Variants in ZFP30 observed in about 807,000 individuals in gnomAD.
ZFP30 encodes the protein zinc finger protein 30 homolog.
Under a neutral mutation model 12.3 loss-of-function variants are expected in ZFP30, and 16 were observed. The observed-to-expected ratio is 1.30, with a 90% confidence interval of 0.88 to 1.98. The LOEUF (loss-of-function observed/expected upper bound fraction) is 1.98. Among genes scored for constraint, ZFP30 ranks in the 30% most tolerant of loss-of-function variants. ZFP30 has a pLI of 0.00. For missense variants in ZFP30, 560 were observed against 611.2 expected (o/e 0.92, Z 0.88); for synonymous variants, 172 against 201.0 (o/e 0.86, Z 1.22).
At chr19:37,647,250 T>G (rs1010663712) in intron 3 of ZFP30, among the ~76,000 whole-genome samples, 1 of 152,222 alleles carries the variant, frequency 6.6e-6, no homozygotes, top group African/African-American at 2.4e-5. Context: ...ATTTGGTCAA[T>G]GCACACATGG....
chr19:37,644,127 C>T (rs1000010153), intron 4 of ZFP30, among the ~76,000 whole-genome samples: 11 of 152,220 alleles, frequency 7.2e-5, no homozygotes, highest in East Asian at 3.9e-4. Flanking sequence ...CATTAAAGAC[C>T]GGTAATAACA....
intron 3 of ZFP30, among the ~76,000 whole-genome samples, chr19:37,645,916 A>T (rs73035151): frequency 2.9e-3 from 444 of 152,280 alleles, no homozygotes; most frequent in Non-Finnish European, 5.2e-3. Flanking sequence ...TTCTTTATTT[A>T]ATATTTACAG....
intron 2 of ZFP30, among the ~76,000 whole-genome samples, chr19:37,652,352 A>C (rs935479335): frequency 1.3e-5 from 2 of 152,126 alleles, no homozygotes; most frequent in Admixed American, 1.3e-4. Flanking sequence ...GGATTGTCTG[A>C]GGTCAGGAGT....
chr19:37,647,496 C>T (rs906477070), intron 3 of ZFP30, among the ~76,000 whole-genome samples: 1 of 152,168 alleles, frequency 6.6e-6, no homozygotes, highest in Non-Finnish European at 1.5e-5. Context: ...TAAGACATGC[C>T]TTTCACCTTC....
At position 37,652,409 on chromosome 19, in the gene ZFP30, A is replaced by G. The variant is rs533708549; in HGVS notation, c.-78+2303T>C. Among the ~76,000 whole-genome samples the G allele has an allele frequency of 1.4e-4, 21 of 152,130 alleles. 1 individual carries two copies. In the South Asian group the frequency reaches 4.4e-3, roughly 32 times the overall value. On this transcript the variant is annotated intron_variant, in intron 2 of 5. Coordinates refer to ENST00000684514, the MANE Select transcript of ZFP30 (RefSeq NM_001320669.3). ...TAGTGAAACCCTGTCCCTACTAAAAATACAAAAAATTAGCTGGGCGTGATG... is the reference window on the plus strand; with the variant it reads ...TAGTGAAACCCTGTCCCTACTAAAAGTACAAAAAATTAGCTGGGCGTGATG...
chr19:37,632,295 AATAT>A lies in ZFP30; in HGVS notation c.*2682_*2685del, dbSNP rs781076151. 12 of 152,074 alleles carry A rather than the reference AATAT, an allele frequency of 7.9e-5. No individual in the cohort carries two copies. In the East Asian group the frequency reaches 2.3e-3, roughly 29 times the overall value. The allele number at this position is 152,074 out of a possible 1,614,324, so 9.4% of individuals were successfully genotyped here. A position where few individuals can be genotyped will look rare whatever the true frequency, so the allele number is the denominator to read the frequency against. On this transcript the variant is annotated 3_prime_UTR_variant, in exon 6 of 6. Coordinates refer to ENST00000684514, the MANE Select transcript of ZFP30 (RefSeq NM_001320669.3). The stretch of plus-strand genomic sequence containing the variant: ...CATGTATAGTGTGTGTATAAATATA[AATAT>A]ATATACCTACACACTATACACACAC...
chr19:37,633,767 A>C lies in ZFP30; in HGVS notation c.*1214T>G, dbSNP rs1242469438. On this transcript the variant is annotated 3_prime_UTR_variant, in exon 6 of 6. Transcript: ENST00000684514. The stretch of plus-strand genomic sequence containing the variant: ...ACAAAAGTAGAATAGCAAAAACAAA[A>C]CAAATAAAAACCATGTATCCAAGAC... 3 of 152,100 alleles carry C rather than the reference A, an allele frequency of 2.0e-5. No homozygotes were observed. The highest frequency in any genetic ancestry group is 2.9e-5 in the Non-Finnish European group (2 of 68,036). 9.4% of individuals were successfully genotyped at this position (152,100 alleles called of 1,614,324 possible).
At chr19:37,644,502 T>C (rs2972458) in intron 4 of ZFP30, 108 bp downstream of exon 4, 1,026,717 of 1,301,358 alleles carry the variant, frequency 0.79, 410,989 homozygotes, top group Non-Finnish European at 0.82. Context: ...CCACTGCACT[T>C]CAGCCTGGTG....
In ZFP30 at chr19:37,647,856, T is replaced by C. The variant is rs372470695; in HGVS notation, c.-34A>G. On this transcript the variant is annotated 5_prime_UTR_variant, in exon 3 of 6. Transcript: ENST00000684514. ...AACTGCTAGAACTGGTCAATTTTCC[T>C]CAAGGTTCATGTACTTCAGAAGCAG... 13 of 1,613,940 alleles carry C rather than the reference T, an allele frequency of 8.1e-6. No individual in the cohort carries two copies. Among genetic ancestry groups the C allele is most frequent in the Non-Finnish European group, 9.3e-6 (11 of 1,179,852 alleles).
chr19:37,649,242 C>G (rs1164929702), intron 2 of ZFP30, among the ~76,000 whole-genome samples: 1 of 73,228 alleles, frequency 1.4e-5, no homozygotes, highest in Admixed American at 1.6e-4. Context: ...AAGACCCTGT[C>G]TCTTAAAAAA....
intron 5 of ZFP30, 69 bp downstream of exon 5, chr19:37,643,194 GGT>G: frequency 8.4e-7 from 1 of 1,184,834 alleles, no homozygotes; most frequent in Non-Finnish European, 1.2e-6. Flanking sequence ...ACATCTAAGG[GGT>G]GTGTCTCCTC....
At chr19:37,647,376 T>C (rs2044563724) in intron 3 of ZFP30, among the ~76,000 whole-genome samples, 1 of 152,192 alleles carries the variant, frequency 6.6e-6, no homozygotes, top group Non-Finnish European at 1.5e-5. Flanking sequence ...ATGGGGGCAG[T>C]TGCCCCTATA....
rs751316076 is a variant in ZFP30, at chr19:37,636,215, A to G, written c.326T>C (p.Ile109Thr). 3 of 1,614,094 alleles carry G rather than the reference A, an allele frequency of 1.9e-6. No individual in the cohort carries two copies. The highest frequency in any genetic ancestry group is 2.5e-6 in the Non-Finnish European group (3 of 1,180,024). Residue 109 changes from isoleucine (I) to threonine (T), a missense_variant, in exon 6 of 6, where the codon ATT becomes ACT. Transcript: ENST00000684514. ...TTGTTCTTCAAGTCCACAGCTTTTA[A>G]TTCTTTCCATTACCTTCCACTGAGA... ...NLSQWKVMER[I>T]KSCGLEEQES...
intron 2 of ZFP30, among the ~76,000 whole-genome samples, chr19:37,652,896 T>C (rs574240459): frequency 1.8e-4 from 28 of 152,054 alleles, no homozygotes; most frequent in African/African-American, 6.5e-4. Flanking sequence ...GGCAGGTGGA[T>C]CACTTGAGGT....
At chr19:37,643,719 G>A (rs748778850) in intron 4 of ZFP30, among the ~76,000 whole-genome samples, 1 of 152,168 alleles carries the variant, frequency 6.6e-6, no homozygotes, top group Non-Finnish European at 1.5e-5. Flanking sequence ...GTGTTTAGAT[G>A]AGTACCTGGT....
At chr19:37,653,272 G>A (rs1255668829) in intron 2 of ZFP30, among the ~76,000 whole-genome samples, 1 of 152,102 alleles carries the variant, frequency 6.6e-6, no homozygotes, top group African/African-American at 2.4e-5. Context: ...GTTCTGTGAA[G>A]GATTACAATC....
chr19:37,641,969 C>T lies in ZFP30; in HGVS notation c.235+1296G>A, dbSNP rs1020542346. On this transcript the variant is annotated intron_variant, in intron 5 of 5. Transcript: ENST00000684514. ...CCTCTGTCTTCTTCCCGTAAGTTGGCAATTGGCTTTAGATGCTTGATAAGA... is the reference window on the plus strand; with the variant it reads ...CCTCTGTCTTCTTCCCGTAAGTTGGTAATTGGCTTTAGATGCTTGATAAGA... Among the ~76,000 whole-genome samples the T allele has an allele frequency of 2.0e-5, 3 of 152,310 alleles. No homozygotes were observed. In the South Asian group the frequency reaches 6.2e-4, roughly 32 times the overall value.
chr19:37,651,264 G>A (rs1025035378), intron 2 of ZFP30, among the ~76,000 whole-genome samples: 5 of 151,988 alleles, frequency 3.3e-5, no homozygotes, highest in Admixed American at 6.6e-5. Flanking sequence ...GTAATTGAAG[G>A]ATGAAGCTCC....
chr19:37,643,332 G>A lies in ZFP30; in HGVS notation c.168C>T (p.Ile56=). The A allele has an allele frequency of 6.2e-7, 1 of 1,607,164 alleles. No homozygotes were observed. Among genetic ancestry groups the A allele is most frequent in the South Asian group, 1.1e-5 (1 of 89,022 alleles). Residue 56 remains isoleucine, a synonymous_variant, in exon 5 of 6, where the codon ATC becomes ATT. Transcript: ENST00000684514. ...AGCSISKPDV[I]TLLEQGKEPW... ...GCTCTTTCCCTTGTTCCAATAGGGTGATCACATCTGGCTTAGAAATAGAAC... is the reference window on the plus strand; with the variant it reads ...GCTCTTTCCCTTGTTCCAATAGGGTAATCACATCTGGCTTAGAAATAGAAC...
Sources: allele counts gnomAD v4.1 joint callset (sites outside exome capture counted in the v4.1 genomes callset), GRCh38; gene constraint gnomAD v4.1.1; transcripts MANE v1.5; gene names NCBI Gene and HGNC (gene_info 2026-07-23, HGNC 2026-07-21).